The following SATB2 variants were observed in gnomAD, a reference collection of about 807,000 sequenced individuals.
SATB2 encodes the protein DNA-binding protein SATB2.
In SATB2, 1 loss-of-function variant was observed where a neutral mutation model predicts 73.4. That is an observed-to-expected ratio of 0.01 (90% confidence interval 0.00 to 0.06). The LOEUF is 0.06. SATB2 is among the 10% of genes least tolerant of loss of function. The pLI is 1.00. For synonymous variants in SATB2, 397 were observed against 367.0 expected, an observed-to-expected ratio of 1.08 and a Z score of -0.93; for missense variants, 459 against 945.8, an observed-to-expected ratio of 0.49 and a Z score of 6.75.
At chr2:199,343,650 T>G (rs966071019) in intron 7 of SATB2, among the ~76,000 whole-genome samples, 3 of 152,236 alleles carry the variant, frequency 2.0e-5, no homozygotes, top group African/African-American at 7.2e-5. Context: ...TTGATTAGGT[T>G]GGGCTTTATA....
intron 3 of SATB2, among the ~76,000 whole-genome samples, chr2:199,411,424 T>C (rs1018571929): frequency 6.6e-6 from 1 of 152,192 alleles, no homozygotes; most frequent in Non-Finnish European, 1.5e-5. Context: ...TATTGCTCTA[T>C]TTATTAACAT....
intron 3 of SATB2, among the ~76,000 whole-genome samples, chr2:199,385,436 C>A (rs1689903151): frequency 6.6e-6 from 1 of 152,118 alleles, no homozygotes; most frequent in Non-Finnish European, 1.5e-5. Context: ...CTGCACCTAG[C>A]CCTCCCCTAC....
chr2:199,280,348 A>G (rs10200842), intron 10 of SATB2, among the ~76,000 whole-genome samples: 17,632 of 152,068 alleles, frequency 0.12, 1,136 homozygotes, highest in South Asian at 0.19. Flanking sequence ...TAACTGCACA[A>G]ATTGTTTGTA....
chr2:199,432,785 T>C (rs111386290), intron 3 of SATB2, among the ~76,000 whole-genome samples: 58 of 152,300 alleles, frequency 3.8e-4, no homozygotes, highest in African/African-American at 1.4e-3. Context: ...ACTGAAATAA[T>C]GATGCAATTT....
intron 9 of SATB2, among the ~76,000 whole-genome samples, chr2:199,321,432 A>C (rs961567454): frequency 1.3e-5 from 2 of 151,026 alleles, no homozygotes; most frequent in African/African-American, 4.9e-5. Flanking sequence ...ATATATATAT[A>C]TCTCAGTCTC....
chr2:199,311,528 T>C (rs1320259028), intron 9 of SATB2, among the ~76,000 whole-genome samples: 2 of 152,146 alleles, frequency 1.3e-5, no homozygotes, highest in Non-Finnish European at 2.9e-5. Context: ...GTCAAGAGCC[T>C]TATAGTAGCA....
intron 1 of SATB2, chr2:199,470,671 TC>T (rs1299818943): frequency 6.6e-6 from 1 of 152,392 alleles, no homozygotes; most frequent in Non-Finnish European, 1.5e-5. Context: ...AAATTTGGCT[TC>T]CCAGGTAATG....
Position 199,270,901 on chromosome 2 carries a change from GACA to G in SATB2, c.*1307_*1309del, listed in dbSNP as rs1692134457. ...TTAGGGCTGTCATCCCAGGAAAAGG[GACA>G]GGAGAGATCAGGGACTGAAAATGTT... On this transcript the variant is annotated 3_prime_UTR_variant, in exon 11 of 11. Coordinates refer to ENST00000417098, the MANE Select transcript of SATB2 (RefSeq NM_001172509.2). The G allele has an allele frequency of 6.6e-6, 1 of 152,368 alleles. No individual in the cohort carries two copies. Among genetic ancestry groups the G allele is most frequent in the African/African-American group, 2.4e-5 (1 of 41,458 alleles). The allele number at this position is 152,368 out of a possible 1,614,324, so 9.4% of individuals were successfully genotyped here.
At chr2:199,366,883 T>C (rs558551374) in intron 6 of SATB2, among the ~76,000 whole-genome samples, 3 of 145,172 alleles carry the variant, frequency 2.1e-5, no homozygotes, top group South Asian at 4.4e-4. Context: ...GTAGAAGATA[T>C]GAGTGTTAAT....
chr2:199,459,933 G>A (rs370324788), upstream of SATB2: 2 of 152,590 alleles, frequency 1.3e-5, no homozygotes, highest in South Asian at 2.1e-4. The surrounding 1 kb of genome is among the most constrained non-coding windows in gnomAD (Gnocchi z 4.2). Flanking sequence ...TCCCAGGAAG[G>A]AAACCTGCCC....
chr2:199,459,338 G>A (rs1475813552), upstream of SATB2, among the ~76,000 whole-genome samples: 1 of 152,050 alleles, frequency 6.6e-6, no homozygotes, highest in Non-Finnish European at 1.5e-5. The surrounding 1 kb of genome is among the most constrained non-coding windows in gnomAD (Gnocchi z 4.2). Flanking sequence ...GCGGCCGCCG[G>A]CAGCCCGACT....
At chr2:199,408,499 G>A (rs1316826711) in intron 3 of SATB2, among the ~76,000 whole-genome samples, 2 of 152,096 alleles carry the variant, frequency 1.3e-5, no homozygotes, top group Non-Finnish European at 2.9e-5. Flanking sequence ...ATAAGTTCGT[G>A]TCAGAGGGAC....
intron 7 of SATB2, chr2:199,347,579 T>A (rs1015251668): frequency 6.6e-6 from 1 of 152,206 alleles, no homozygotes; most frequent in African/African-American, 2.4e-5. Flanking sequence ...TGCACCCACA[T>A]AGAGCTTAGC....
At chr2:199,452,687 A>G (rs985212745) in intron 2 of SATB2, among the ~76,000 whole-genome samples, 7 of 152,124 alleles carry the variant, frequency 4.6e-5, no homozygotes, top group Non-Finnish European at 1.0e-4. Context: ...CCCAGCAGGG[A>G]TATAAAGCTG....
chr2:199,405,502 G>A (rs566473909), intron 3 of SATB2, among the ~76,000 whole-genome samples: 1 of 152,140 alleles, frequency 6.6e-6, no homozygotes, highest in Non-Finnish European at 1.5e-5. Context: ...GGAAATACAA[G>A]ACTAGGGTGT....
At chr2:199,454,464 C>T (rs1188476556) in intron 2 of SATB2, among the ~76,000 whole-genome samples, 1 of 152,152 alleles carries the variant, frequency 6.6e-6, no homozygotes, top group Admixed American at 6.5e-5. Flanking sequence ...AAAAGTCTGA[C>T]ATTATTTGCT....
upstream of SATB2, among the ~76,000 whole-genome samples, chr2:199,466,866 C>T (rs913743633): frequency 2.0e-5 from 3 of 152,236 alleles, no homozygotes; most frequent in African/African-American, 7.2e-5. Flanking sequence ...TTTTGCCAGA[C>T]CCTGTGCCAT....
intron 10 of SATB2, among the ~76,000 whole-genome samples, chr2:199,281,657 C>CT (rs1392174340): frequency 2.6e-5 from 4 of 152,132 alleles, no homozygotes; most frequent in Non-Finnish European, 5.9e-5. Flanking sequence ...GCTCTACCCT[C>CT]TAATATTCCC....
chr2:199,328,704 G>A lies in SATB2; in HGVS notation c.1380C>T (p.Thr460=), dbSNP rs996522781. The A allele has an allele frequency of 6.8e-6, 11 of 1,612,430 alleles. No homozygotes were observed. Among genetic ancestry groups the A allele is most frequent in the Middle Eastern group, 3.8e-4 (2 of 5,208 alleles). ...SASSSPSSSR[T]PQAKTSTPTT... ...CGGAAAGCAAGTTTCTCACCTGAGG[G>A]GTTCGGGAGGAGCTGGGACTGCTGG... The change falls in exon 8 of 11, where the codon ACC becomes ACT. Residue 460 remains threonine (T), a synonymous_variant. Coordinates refer to ENST00000417098, the MANE Select transcript of SATB2 (RefSeq NM_001172509.2).
Sources: gnomAD v4.1 joint callset for allele counts (sites outside exome capture counted in the v4.1 genomes callset) on GRCh38, gnomAD v4.1.1 for gene constraint, Gnocchi (gnomAD v3.1) non-coding constraint, MANE v1.5 for transcripts, NCBI Gene and HGNC (gene_info 2026-07-23, HGNC 2026-07-21) for gene names.